ABCC5: variants seen among roughly 807,000 people sequenced by gnomAD.
The protein encoded by ABCC5 is ATP-binding cassette sub-family C member 5.
In ABCC5, 61 loss-of-function variants were observed where a neutral mutation model predicts 160.9. The observed-to-expected ratio is 0.38, with a 90% confidence interval of 0.31 to 0.47. The LOEUF (loss-of-function observed/expected upper bound fraction) is 0.47, where lower values mean the gene tolerates loss of function less well. Among genes scored for constraint, ABCC5 ranks in the 20% least tolerant of loss-of-function variants. The pLI is 0.99. For missense variants in ABCC5, 1,308 were observed against 1,813.3 expected (o/e 0.72, Z 5.06); for synonymous variants, 666 against 700.6 (o/e 0.95, Z 0.78).
At chr3:183,955,003 T>C (rs1715733953) in intron 17 of ABCC5, among the ~76,000 whole-genome samples, 1 of 152,100 alleles carries the variant, frequency 6.6e-6, no homozygotes, top group African/African-American at 2.4e-5. Flanking sequence ...AAGCTCTGCC[T>C]GAAGAGTTGA....
chr3:183,970,277 G>A (rs528137904), intron 11 of ABCC5, among the ~76,000 whole-genome samples: 3 of 152,114 alleles, frequency 2.0e-5, no homozygotes, highest in Admixed American at 6.5e-5. Flanking sequence ...CCTTTGGCCC[G>A]GAATGTTCTT....
At chr3:184,005,803 T>A (rs973088012) in intron 2 of ABCC5, among the ~76,000 whole-genome samples, 7 of 151,780 alleles carry the variant, frequency 4.6e-5, no homozygotes, top group African/African-American at 1.7e-4. Context: ...AAAGAAAGCA[T>A]TAACGGAAAC....
intron 10 of ABCC5, among the ~76,000 whole-genome samples, chr3:183,976,468 T>G (rs1718227090): frequency 6.6e-6 from 1 of 151,968 alleles, no homozygotes; most frequent in African/African-American, 2.4e-5. Context: ...TTGCCCAGGC[T>G]GGTCTTGAAC....
intron 3 of ABCC5, 61 bp downstream of exon 3, chr3:183,989,157 CAAAAAAAA>C (rs34892836): frequency 0.031 from 17,715 of 566,954 alleles, 2 homozygotes; most frequent in East Asian, 0.091. Flanking sequence ...GACTCCATCT[CAAAAAAAA>C]AAAAAAAAAA....
chr3:183,949,262 T>G lies in ABCC5; in HGVS notation c.3227+491A>C, dbSNP rs1163731899. Among the ~76,000 whole-genome samples, 1 of 152,228 alleles carries G rather than the reference T, an allele frequency of 6.6e-6. No individual in the cohort carries two copies. Among genetic ancestry groups the G allele is most frequent in the Non-Finnish European group, 1.5e-5 (1 of 68,046 alleles). On this transcript the variant is annotated intron_variant, in intron 22 of 29. Transcript: ENST00000334444. This position sits in a 1 kb window ranked among gnomAD's most constrained non-coding sequence, Gnocchi z 4.2. Reference sequence around the variant, plus strand: ...CAAAGCTCCACAATGACAATGCACATAAGTTTCACAAATAAACAATACTCG... The same window carrying G: ...CAAAGCTCCACAATGACAATGCACAGAAGTTTCACAAATAAACAATACTCG...
chr3:183,976,266 A>C (rs540852440), intron 10 of ABCC5, among the ~76,000 whole-genome samples: 1 of 152,032 alleles, frequency 6.6e-6, no homozygotes, highest in Admixed American at 6.5e-5. Flanking sequence ...AAAAAAAACA[A>C]AAACACAGAT....
At chr3:183,924,364 G>C (rs6806313) in intron 29 of ABCC5, among the ~76,000 whole-genome samples, 76,988 of 151,860 alleles carry the variant, frequency 0.51, 19,831 homozygotes, top group African/African-American at 0.59. Context: ...GTCTCCTCAT[G>C]TGTAAAGCAG....
At chr3:183,959,967 T>C in intron 16 of ABCC5, 132 bp from the exon 17 acceptor site, 1 of 584,638 alleles carries the variant, frequency 1.7e-6, no homozygotes. Flanking sequence ...CTTAAAAGGG[T>C]CACCTATACT....
At chr3:183,998,616 A>G (rs775281431) in intron 2 of ABCC5, among the ~76,000 whole-genome samples, 39 of 152,158 alleles carry the variant, frequency 2.6e-4, no homozygotes, top group Non-Finnish European at 4.3e-4. Context: ...AGGTCACAGC[A>G]GGGATTTCAA....
intron 5 of ABCC5, chr3:183,985,255 T>C (rs1271853619): frequency 2.7e-6 from 4 of 1,458,416 alleles, no homozygotes; most frequent in Non-Finnish European, 3.9e-6. Context: ...ACTGTTAGCA[T>C]AGCTGTCTGG....
At position 183,962,831 on chromosome 3, in the gene ABCC5, C is replaced by T. The variant is rs140824942; in HGVS notation, c.2235+554G>A. On this transcript the variant is annotated intron_variant, in intron 15 of 29. Transcript: ENST00000334444. ...GCCACTGTGCCTGGCCGAGTCCCTC[C>T]GGTTTTTCACATGAATCTGCTGATG... Among the ~76,000 whole-genome samples, 18 of 152,250 alleles carry T rather than the reference C, an allele frequency of 1.2e-4. 1 individual carries two copies. In the East Asian group the frequency reaches 2.1e-3, roughly 18 times the overall value.
chr3:183,949,339 AG>A lies in ABCC5; in HGVS notation c.3227+413del, dbSNP rs564708745. Reference sequence around the variant, plus strand: ...TCATGACTACCTTTTACTACTTAAAAGAAAAAGCAAAACTCTATGAAATATA... The same window carrying A: ...TCATGACTACCTTTTACTACTTAAAAAAAAAGCAAAACTCTATGAAATATA... On this transcript the variant is annotated intron_variant, in intron 22 of 29. Transcript: ENST00000334444. This position sits in a 1 kb window ranked among gnomAD's most constrained non-coding sequence, Gnocchi z 4.2. 5.6e-4 allele frequency among the ~76,000 whole-genome samples: 85 copies of A among 152,380 alleles called. No homozygotes were observed. Among genetic ancestry groups the A allele is most frequent in the African/African-American group, 1.5e-3 (64 of 41,596 alleles).
In ABCC5 at chr3:183,963,275, T is replaced by C; in HGVS notation, c.2235+110A>G. The C allele has an allele frequency of 8.1e-7, 1 of 1,232,218 alleles. No homozygotes were observed. Among genetic ancestry groups the C allele is most frequent in the East Asian group, 2.3e-5 (1 of 42,974 alleles). 76.3% of individuals were successfully genotyped at this position (1,232,218 alleles called of 1,614,324 possible). On this transcript the variant is annotated intron_variant, in intron 15 of 29. Coordinates refer to ENST00000334444, the MANE Select transcript of ABCC5 (RefSeq NM_005688.4). This position sits in a 1 kb window ranked among gnomAD's most constrained non-coding sequence, Gnocchi z 4.6. ...GCTAATTTGCTAAGAAAATGAAACC[T>C]TGATTCCAGGAATTTCTAGTTATAA...
chr3:183,961,724 T>G, intron 15 of ABCC5, 70 bp from the exon 16 acceptor site: 1 of 1,574,164 alleles, frequency 6.4e-7, no homozygotes, highest in Non-Finnish European at 8.7e-7. Flanking sequence ...ATACATTAGT[T>G]CAGTAGTTCT....
chr3:183,951,620 T>C lies in ABCC5; in HGVS notation c.2815-50A>G, dbSNP rs1490291285. On this transcript the variant is annotated intron_variant, in intron 19 of 29. Transcript: ENST00000334444. The surrounding 1 kb of genome is among the most constrained non-coding windows in gnomAD (Gnocchi z 4.7). ...CAGGGCCCAGGGACGGCTCTGTTCC[T>C]ACTGGTCCAGAGAACCGCTCCGCAG... 6 of 1,599,162 alleles carry C rather than the reference T, an allele frequency of 3.8e-6. No homozygotes were observed. The highest frequency in any genetic ancestry group is 4.3e-6 in the Non-Finnish European group (5 of 1,172,416).
At chr3:183,960,938 A>C (rs1363155229) in intron 16 of ABCC5, among the ~76,000 whole-genome samples, 1 of 151,968 alleles carries the variant, frequency 6.6e-6, no homozygotes, top group Non-Finnish European at 1.5e-5. Context: ...GGCGCCTGCC[A>C]CCACACCTGG....
At position 183,947,438 on chromosome 3, in the gene ABCC5, C is replaced by T. The variant is rs1714949398; in HGVS notation, c.3300G>A (p.Val1100=). Residue 1100 remains valine (V), a synonymous_variant, in exon 23 of 30, where the codon GTG becomes GTA. Coordinates refer to ENST00000334444, the MANE Select transcript of ABCC5 (RefSeq NM_005688.4). The part of the protein sequence containing the change: ...LFTCAMRWLA[V]RLDLISIALI... ...GGGCGATGCTGATGAGGTCCAGCCG[C>T]ACAGCCAGCCACCGCATCGCACACG... is the stretch of plus-strand genomic sequence containing the variant. 6.2e-7 allele frequency: 1 copy of T among 1,613,216 alleles called. No homozygotes were observed. The highest frequency in any genetic ancestry group is 1.7e-5 in the Admixed American group (1 of 59,970).
chr3:184,006,097 C>T (rs1324074143), intron 2 of ABCC5, among the ~76,000 whole-genome samples: 1 of 152,054 alleles, frequency 6.6e-6, no homozygotes, highest in African/African-American at 2.4e-5. Context: ...TCAAGAGCCC[C>T]AGCGAGCTGT....
At position 183,987,440 on chromosome 3, in the gene ABCC5, C is replaced by T. The variant is rs112403322; in HGVS notation, c.591+330G>A. On this transcript the variant is annotated intron_variant, in intron 5 of 29. Coordinates refer to ENST00000334444, the MANE Select transcript of ABCC5 (RefSeq NM_005688.4). This position sits in a 1 kb window ranked among gnomAD's most constrained non-coding sequence, Gnocchi z 4.2. ...GGGCCACACAACGTGCTCTCACCCA[C>T]TCATAGCACTGCAAGACACATCTGC... 1.7e-6 allele frequency: 1 copy of T among 580,898 alleles called. No individual in the cohort carries two copies. Among genetic ancestry groups the T allele is most frequent in the Admixed American group, 3.1e-5 (1 of 32,658 alleles). 36.0% of individuals were successfully genotyped at this position (580,898 alleles called of 1,614,324 possible). A position where few individuals can be genotyped will look rare whatever the true frequency, so the allele number is the denominator to read the frequency against.
Sources: allele counts gnomAD v4.1 joint callset (sites outside exome capture counted in the v4.1 genomes callset), GRCh38; gene constraint gnomAD v4.1.1; non-coding constraint Gnocchi (gnomAD v3.1); transcripts MANE v1.5; gene names NCBI Gene and HGNC (gene_info 2026-07-23, HGNC 2026-07-21).